CENPP: variants seen among roughly 807,000 people sequenced by gnomAD.
CENPP encodes centromere protein P.
CENPP carries 24 observed loss-of-function variants against 35.6 expected under a neutral mutation model. The ratio of observed to expected loss-of-function variants is 0.67; its 90% CI spans 0.49 to 0.95. The LOEUF (loss-of-function observed/expected upper bound fraction) is 0.95. Ranked by LOEUF, CENPP falls within the 40% of genes least tolerant of loss-of-function variation. The pLI, the probability that CENPP is intolerant of heterozygous loss-of-function variation, is 0.00. For missense variants in CENPP, 332 were observed against 345.3 expected (o/e 0.96, Z 0.31); for synonymous variants, 120 against 125.5 (o/e 0.96, Z 0.29).
intron 5 of CENPP, among the ~76,000 whole-genome samples, chr9:92,588,867 C>T (rs1038540457): frequency 6.6e-6 from 1 of 152,144 alleles, no homozygotes. Flanking sequence ...TAAAGGCATT[C>T]TTCTTGCAAG....
intron 5 of CENPP, among the ~76,000 whole-genome samples, chr9:92,520,204 G>A (rs1847978258): frequency 1.3e-5 from 2 of 151,306 alleles, no homozygotes; most frequent in South Asian, 4.1e-4. Context: ...GATCACTGAA[G>A]CCCAGGAGTT....
intron 5 of CENPP, chr9:92,511,864 T>C (rs185079936): frequency 1.8e-4 from 97 of 544,460 alleles, no homozygotes; most frequent in African/African-American, 1.6e-3. Context: ...AAACTTGAAT[T>C]CAAATTAGGG....
rs1176439692 is a variant in CENPP, at chr9:92,619,215, C to T, written c.*6066C>T. 4.9e-6 allele frequency: 2 copies of T among 407,468 alleles called. No homozygotes were observed. Among genetic ancestry groups the T allele is most frequent in the Non-Finnish European group, 9.1e-6 (2 of 219,016 alleles). 25.2% of individuals were successfully genotyped at this position (407,468 alleles called of 1,614,324 possible). ...GCTCACTGTCCACATTGTTTCTGAG[C>T]TCTTGGGAGTATTTTCTTAGAAAAC... is the stretch of plus-strand genomic sequence containing the variant. On this transcript the variant is annotated 3_prime_UTR_variant, in exon 8 of 8. Transcript: ENST00000375587.
chr9:92,586,109 A>T (rs971712070), intron 5 of CENPP, among the ~76,000 whole-genome samples: 4 of 152,120 alleles, frequency 2.6e-5, no homozygotes, highest in Non-Finnish European at 4.4e-5. Flanking sequence ...GCAATGGCGC[A>T]ATCTCGGCTC....
At chr9:92,364,560 G>A (rs1173501811) in intron 4 of CENPP, among the ~76,000 whole-genome samples, 2 of 152,010 alleles carry the variant, frequency 1.3e-5, no homozygotes, top group African/African-American at 4.8e-5. Context: ...CTGTGTGTAT[G>A]GAACTGGTTG....
intron 5 of CENPP, among the ~76,000 whole-genome samples, chr9:92,460,930 C>T (rs777527956): frequency 1.1e-4 from 17 of 151,986 alleles, no homozygotes; most frequent in South Asian, 2.1e-4. Flanking sequence ...CCACCCCCCT[C>T]GGCCTCCTAA....
chr9:92,389,214 G>C (rs1842566811), intron 5 of CENPP, among the ~76,000 whole-genome samples: 1 of 152,094 alleles, frequency 6.6e-6, no homozygotes, highest in Non-Finnish European at 1.5e-5. Flanking sequence ...GGAAATCCTG[G>C]ACTAAAGTGA....
intron 5 of CENPP, among the ~76,000 whole-genome samples, chr9:92,392,541 G>A (rs1196665995): frequency 6.6e-6 from 1 of 151,880 alleles, no homozygotes; most frequent in Admixed American, 6.6e-5. Context: ...CTTAAACCTG[G>A]GAGACAGAGG....
chr9:92,389,721 G>A (rs747538985), intron 5 of CENPP: 4 of 623,636 alleles, frequency 6.4e-6, no homozygotes, highest in East Asian at 5.6e-5. Flanking sequence ...TATTTATTAT[G>A]TAAATAATGT....
intron 5 of CENPP, among the ~76,000 whole-genome samples, chr9:92,586,519 A>G (rs1850545723): frequency 6.6e-6 from 1 of 152,102 alleles, no homozygotes; most frequent in African/African-American, 2.4e-5. Context: ...AGAGTACAAT[A>G]TACGTGCCCG....
chr9:92,514,997 T>A lies in CENPP; in HGVS notation c.565-96317T>A, dbSNP rs752690562. 5 of 1,613,960 alleles carry A rather than the reference T, an allele frequency of 3.1e-6. No individual in the cohort carries two copies. The African/African-American group carries it at 5.3e-5, about 17-fold the overall frequency. ...TGCCCCTGATTTCTAGATTCAGGGG[T>A]CTCTCTCTTTTGCTCTGTATCTTCT... On this transcript the variant is annotated intron_variant, in intron 5 of 7. Coordinates refer to ENST00000375587, the MANE Select transcript of CENPP (RefSeq NM_001012267.3).
At chr9:92,470,650 T>C (rs768414075) in intron 5 of CENPP, 3 of 1,251,098 alleles carry the variant, frequency 2.4e-6, no homozygotes, top group Non-Finnish European at 3.4e-6. Context: ...TCTTTGAAAG[T>C]ATGAGGATAT....
At chr9:92,470,685 C>T (rs1367332396) in intron 5 of CENPP, 1 of 1,524,270 alleles carries the variant, frequency 6.6e-7, no homozygotes, top group African/African-American at 1.4e-5. Flanking sequence ...TGAAGTGAGT[C>T]CTTTAAAATC....
chr9:92,537,426 A>G lies in CENPP; in HGVS notation c.565-73888A>G, dbSNP rs149101931. ...CTGTAATCCCAGCACTTTGGGAGGC[A>G]GAGACAGGTGGATCACCTGAGGTTA... On this transcript the variant is annotated intron_variant, in intron 5 of 7. Transcript: ENST00000375587. Among the ~76,000 whole-genome samples, 206 of 152,148 alleles carry G rather than the reference A, an allele frequency of 1.4e-3. 2 individuals carry two copies. The East Asian group carries it at 0.018, about 13-fold the overall frequency.
intron 5 of CENPP, among the ~76,000 whole-genome samples, chr9:92,435,942 G>T (rs1564319018): frequency 6.6e-6 from 1 of 152,132 alleles, no homozygotes; most frequent in Non-Finnish European, 1.5e-5. Flanking sequence ...TAATTGCTGG[G>T]TCGTATGGTA....
At chr9:92,517,558 T>C in intron 5 of CENPP, 1 of 1,244,178 alleles carries the variant, frequency 8.0e-7, no homozygotes, top group Non-Finnish European at 1.1e-6. Flanking sequence ...TTAATCAGCA[T>C]TTTGCCAATA....
At chr9:92,431,611 G>C (rs1844110988) in intron 5 of CENPP, among the ~76,000 whole-genome samples, 1 of 151,938 alleles carries the variant, frequency 6.6e-6, no homozygotes, top group Non-Finnish European at 1.5e-5. Flanking sequence ...GTCTAGCTCT[G>C]TTTCCCAGGC....
At chr9:92,457,391 A>G in intron 5 of CENPP, 3 of 1,613,794 alleles carry the variant, frequency 1.9e-6, no homozygotes, top group Non-Finnish European at 2.5e-6. Flanking sequence ...GAATAAACTT[A>G]TTGCACTGTA....
At chr9:92,509,923 C>A (rs1195299180) in intron 5 of CENPP, 1 of 1,604,218 alleles carries the variant, frequency 6.2e-7, no homozygotes, top group Admixed American at 1.8e-5. Context: ...TCATCGATAG[C>A]CTGAAGATTG....
Sources: allele counts gnomAD v4.1 joint callset (sites outside exome capture counted in the v4.1 genomes callset), GRCh38; gene constraint gnomAD v4.1.1; transcripts MANE v1.5; gene names NCBI Gene and HGNC (gene_info 2026-07-23, HGNC 2026-07-21).